Variants in WRN observed in about 807,000 individuals in gnomAD.
The protein encoded by WRN is bifunctional 3'-5' exonuclease/ATP-dependent helicase WRN.
In WRN, 149 loss-of-function variants were observed where a neutral mutation model predicts 180.7. The ratio of observed to expected loss-of-function variants is 0.82; its 90% CI spans 0.72 to 0.94. The LOEUF is 0.94. WRN is among the 40% of genes least tolerant of loss of function. The probability of loss-of-function intolerance (pLI) is 0.00; values close to 1 mark genes in which losing one functional copy is unlikely to be tolerated. For synonymous variants in WRN, 548 were observed against 568.9 expected (o/e 0.96, Z 0.52); for missense variants, 1,661 against 1,700.1 (o/e 0.98, Z 0.40).
intron 12 of WRN, among the ~76,000 whole-genome samples, chr8:31,088,452 T>C (rs16877715): frequency 0.077 from 11,679 of 152,222 alleles, 511 homozygotes; most frequent in African/African-American, 0.13. Flanking sequence ...TAAATTTTGG[T>C]GTAACTACAT....
intron 3 of WRN, 60 bp downstream of exon 3, chr8:31,059,325 G>A: frequency 7.2e-7 from 1 of 1,385,156 alleles, no homozygotes. Flanking sequence ...GTACTATTAT[G>A]GTAATGTTTG....
At chr8:31,172,947 TCTC>T (rs1267133919) in intron 34 of WRN, 45 bp from the exon 35 acceptor site, 1 of 1,580,652 alleles carries the variant, frequency 6.3e-7, no homozygotes, top group Non-Finnish European at 8.7e-7. Context: ...TAATACCCCT[TCTC>T]AGTAGTACAA....
Position 31,054,768 on chromosome 8 carries a change from A to G in WRN, c.-76-3604A>G, listed in dbSNP as rs575372264. Among the ~76,000 whole-genome samples the G allele has an allele frequency of 3.9e-5, 6 of 152,350 alleles. 1 individual carries two copies. The highest frequency in any genetic ancestry group is 1.4e-4 in the African/African-American group (6 of 41,580). The stretch of plus-strand genomic sequence containing the variant: ...TTAATTTTATTTTAAGTTCCAGGAT[A>G]CATGTGCAGGACGTGCAGGTTTGCT... On this transcript the variant is annotated intron_variant, in intron 1 of 34. Transcript: ENST00000298139.
chr8:31,118,184 A>G (rs1801588921), intron 20 of WRN, among the ~76,000 whole-genome samples: 1 of 152,140 alleles, frequency 6.6e-6, no homozygotes, highest in South Asian at 2.1e-4. Context: ...GCTTTGAAAT[A>G]TGGCTTAGGA....
intron 12 of WRN, among the ~76,000 whole-genome samples, chr8:31,088,667 G>A (rs1340024338): frequency 6.6e-6 from 1 of 151,830 alleles, no homozygotes; most frequent in Non-Finnish European, 1.5e-5. Context: ...TAATAGTCCT[G>A]GCAAAGTGTG....
intron 14 of WRN, 104 bp from the exon 15 acceptor site, chr8:31,090,730 C>T (rs1813714823): frequency 9.2e-7 from 1 of 1,091,574 alleles, no homozygotes; most frequent in East Asian, 2.6e-5. Flanking sequence ...TAGTATTGAC[C>T]ATTCATCTGT....
At chr8:31,120,885 T>C (rs530732098) in intron 21 of WRN, among the ~76,000 whole-genome samples, 1 of 152,142 alleles carries the variant, frequency 6.6e-6, no homozygotes, top group Admixed American at 6.6e-5. Flanking sequence ...CAGTCCCTAT[T>C]TGACTCTTGT....
intron 21 of WRN, among the ~76,000 whole-genome samples, chr8:31,122,626 A>G (rs993309710): frequency 6.6e-6 from 1 of 151,990 alleles, no homozygotes; most frequent in Non-Finnish European, 1.5e-5. Flanking sequence ...AATGATTGCC[A>G]TGAATGGTTT....
At chr8:31,170,112 T>C (rs1804048779) in intron 34 of WRN, among the ~76,000 whole-genome samples, 1 of 152,214 alleles carries the variant, frequency 6.6e-6, no homozygotes. Flanking sequence ...TCTTAATTGC[T>C]GTTGGTGGTT....
chr8:31,102,405 A>C (rs1234305661), intron 18 of WRN, among the ~76,000 whole-genome samples: 1 of 152,226 alleles, frequency 6.6e-6, no homozygotes, highest in East Asian at 1.9e-4. Context: ...TGTTCTGAGA[A>C]ATGTGTTCTT....
intron 8 of WRN, among the ~76,000 whole-genome samples, chr8:31,077,743 T>A (rs1157862627): frequency 6.6e-6 from 1 of 152,246 alleles, no homozygotes; most frequent in African/African-American, 2.4e-5. Context: ...TCTGTTGAAG[T>A]CAATTAAAAT....
chr8:31,059,006 T>C (rs1812382069), intron 2 of WRN, 147 bp from the exon 3 acceptor site: 1 of 707,068 alleles, frequency 1.4e-6, no homozygotes, highest in Middle Eastern at 2.9e-4. Context: ...TTTGTTAAGT[T>C]TTCTTTATGA....
chr8:31,121,322 TAC>T (rs1421329166), intron 21 of WRN, among the ~76,000 whole-genome samples: 1 of 151,952 alleles, frequency 6.6e-6, no homozygotes, highest in Non-Finnish European at 1.5e-5. Flanking sequence ...TGCCTCCCAC[TAC>T]AGTTTTTGTT....
rs1585483125 is a variant in WRN, at chr8:31,120,278, T to C, written c.2484T>C (p.Ile828=). The C allele has an allele frequency of 6.2e-7, 1 of 1,612,994 alleles. No individual in the cohort carries two copies. Among genetic ancestry groups the C allele is most frequent in the African/African-American group, 1.3e-5 (1 of 74,998 alleles). ...VIATIAFGMG[I]NKADIRQVIH... ...CTACCATAGCTTTTGGAATGGGCATTAATAAAGCTGACATTCGCCAAGTCA... is the reference window on the plus strand; with the variant it reads ...CTACCATAGCTTTTGGAATGGGCATCAATAAAGCTGACATTCGCCAAGTCA... The change falls in exon 21 of 35, where the codon ATT becomes ATC. Residue 828 remains isoleucine (I), a synonymous_variant. Coordinates refer to ENST00000298139, the MANE Select transcript of WRN (RefSeq NM_000553.6).
At chr8:31,142,573 A>G (rs1802684716) in intron 26 of WRN, 53 bp from the exon 27 acceptor site, 1 of 1,348,004 alleles carries the variant, frequency 7.4e-7, no homozygotes, top group African/African-American at 1.5e-5. Flanking sequence ...TGATTCATGA[A>G]TTAGATACTT....
rs1386279230 is a variant in WRN, at chr8:31,175,705, T to A, written c.*2603T>A. On this transcript the variant is annotated 3_prime_UTR_variant, in exon 35 of 35. Transcript: ENST00000298139. ...TGTGCAAAGTCAGATTTTTTTCATATACTTCAGCCAAAACAGCATATCAAA... is the reference window on the plus strand; with the variant it reads ...TGTGCAAAGTCAGATTTTTTTCATAAACTTCAGCCAAAACAGCATATCAAA... 6.6e-6 allele frequency among the ~76,000 whole-genome samples: 1 copy of A among 152,214 alleles called. No homozygotes were observed. The highest frequency in any genetic ancestry group is 1.5e-5 in the Non-Finnish European group (1 of 68,036).
rs1419767386 is a variant in WRN, at chr8:31,175,296, G to A, written c.*2194G>A. 6.6e-6 allele frequency among the ~76,000 whole-genome samples: 1 copy of A among 152,122 alleles called. No individual in the cohort carries two copies. Among genetic ancestry groups the A allele is most frequent in the Admixed American group, 6.5e-5 (1 of 15,268 alleles). ...CTAAAAATACAAAAATTAGCTGGGT[G>A]TGTTGGTGCGTGCCTATAATCCCAG... On this transcript the variant is annotated 3_prime_UTR_variant, in exon 35 of 35. Coordinates refer to ENST00000298139, the MANE Select transcript of WRN (RefSeq NM_000553.6).
chr8:31,136,140 C>CTACTG (rs1440882488), intron 24 of WRN, among the ~76,000 whole-genome samples: 2 of 152,192 alleles, frequency 1.3e-5, no homozygotes, highest in East Asian at 3.8e-4. Flanking sequence ...TGTGGCACTA[C>CTACTG]AGGTGCATGC....
At chr8:31,045,093 T>A (rs901656892) in intron 1 of WRN, among the ~76,000 whole-genome samples, 2 of 152,232 alleles carry the variant, frequency 1.3e-5, no homozygotes, top group Non-Finnish European at 2.9e-5. Flanking sequence ...AACCAGTTTT[T>A]TGGCCTCATT....
Sources: allele counts gnomAD v4.1 joint callset (sites outside exome capture counted in the v4.1 genomes callset), GRCh38; gene constraint gnomAD v4.1.1; transcripts MANE v1.5; gene names NCBI Gene and HGNC (gene_info 2026-07-23, HGNC 2026-07-21).